GYPC: variants seen among roughly 807,000 people sequenced by gnomAD.
GYPC encodes the protein glycophorin C (Gerbich blood group).
In GYPC, 14 loss-of-function variants were observed where a neutral mutation model predicts 12.6. The observed-to-expected ratio is 1.11, with a 90% confidence interval of 0.74 to 1.74. The LOEUF (loss-of-function observed/expected upper bound fraction) is 1.74, where lower values mean the gene tolerates loss of function less well. Among genes scored for constraint, GYPC ranks in the 40% most tolerant of loss-of-function variants. The probability of loss-of-function intolerance (pLI) is 0.00; values close to 1 mark genes in which losing one functional copy is unlikely to be tolerated. For synonymous variants in GYPC, 78 were observed against 62.1 expected, an observed-to-expected ratio of 1.26 and a Z score of -1.20; for missense variants, 225 against 172.1, an observed-to-expected ratio of 1.31 and a Z score of -1.72.
chr2:126,675,755 T>C (rs1682979154), intron 1 of GYPC: 1 of 830,676 alleles, frequency 1.2e-6, no homozygotes, highest in African/African-American at 1.8e-5. Flanking sequence ...AGCAGGTGAG[T>C]AATAAAATTT....
intron 1 of GYPC, among the ~76,000 whole-genome samples, chr2:126,670,264 G>T (rs1408179050): frequency 6.6e-6 from 1 of 152,236 alleles, no homozygotes; most frequent in Non-Finnish European, 1.5e-5. Context: ...GGACTCACTT[G>T]CTGGGGCCCT....
intron 1 of GYPC, among the ~76,000 whole-genome samples, chr2:126,668,374 G>T (rs1315003633): frequency 6.6e-6 from 1 of 152,098 alleles, no homozygotes; most frequent in Non-Finnish European, 1.5e-5. Context: ...TCTCCTGCCT[G>T]GTGCCTTCCA....
intron 1 of GYPC, among the ~76,000 whole-genome samples, chr2:126,671,068 A>C (rs1384601918): frequency 6.6e-6 from 1 of 152,134 alleles, no homozygotes; most frequent in Non-Finnish European, 1.5e-5. Flanking sequence ...ATGGGAAGCC[A>C]TGGAAGAAAA....
chr2:126,656,195 C>T lies in GYPC; in HGVS notation c.-69C>T. On this transcript the variant is annotated 5_prime_UTR_variant, in exon 1 of 4. Transcript: ENST00000259254. ...GAGGGTCAGGAGCCCGGGAGCGCGA[C>T]CCTCCCCCGGCCCGGCCTGGCCCGG... is the stretch of plus-strand genomic sequence containing the variant. 6.5e-7 allele frequency: 1 copy of T among 1,541,290 alleles called. No homozygotes were observed. The highest frequency in any genetic ancestry group is 8.7e-7 in the Non-Finnish European group (1 of 1,143,314).
At chr2:126,670,453 T>C (rs887440887) in intron 1 of GYPC, among the ~76,000 whole-genome samples, 1 of 152,244 alleles carries the variant, frequency 6.6e-6, no homozygotes, top group Non-Finnish European at 1.5e-5. Flanking sequence ...CTTGGGGTAC[T>C]GGTTTCACCC....
intron 1 of GYPC, among the ~76,000 whole-genome samples, chr2:126,672,308 G>T (rs2104782373): frequency 6.6e-6 from 1 of 152,250 alleles, no homozygotes; most frequent in South Asian, 2.1e-4. Flanking sequence ...CCTGTGACAT[G>T]CGGTGGGAGC....
intron 1 of GYPC, among the ~76,000 whole-genome samples, chr2:126,663,701 T>C (rs1475664391): frequency 6.6e-6 from 1 of 152,182 alleles, no homozygotes; most frequent in Non-Finnish European, 1.5e-5. Flanking sequence ...CAGCATTCAC[T>C]GCACCCTCTC....
chr2:126,660,955 T>G (rs1198091794), intron 1 of GYPC, among the ~76,000 whole-genome samples: 2 of 152,108 alleles, frequency 1.3e-5, no homozygotes, highest in African/African-American at 4.8e-5. Flanking sequence ...TGGCCTGGGG[T>G]TTTCTTCAGA....
chr2:126,659,449 G>C (rs1030967684), intron 1 of GYPC, among the ~76,000 whole-genome samples: 2 of 152,218 alleles, frequency 1.3e-5, no homozygotes, highest in Non-Finnish European at 2.9e-5. Context: ...TTGGGAGAGA[G>C]AGGAAATACC....
Position 126,692,547 on chromosome 2 carries a change from G to T in GYPC, c.107-1317G>T, listed in dbSNP as rs375543437. ...TAGAGCCATTGTAATGGGAACGTGG[G>T]ATTTCCTATGTTAACACTGATATTT... is the stretch of plus-strand genomic sequence containing the variant. On this transcript the variant is annotated intron_variant, in intron 2 of 3. Coordinates refer to ENST00000259254, the MANE Select transcript of GYPC (RefSeq NM_002101.5). Among the ~76,000 whole-genome samples the T allele has an allele frequency of 2.0e-4, 31 of 152,214 alleles. No individual in the cohort carries two copies. The East Asian group carries it at 5.8e-3, about 28-fold the overall frequency.
chr2:126,691,852 C>T (rs1321591907), intron 2 of GYPC, among the ~76,000 whole-genome samples: 1 of 152,156 alleles, frequency 6.6e-6, no homozygotes, highest in African/African-American at 2.4e-5. Flanking sequence ...GCTGTCTTCA[C>T]CTGGAAAATT....
In GYPC at chr2:126,694,032, T is replaced by C; in HGVS notation, c.190+85T>C. On this transcript the variant is annotated intron_variant, in intron 3 of 3. Transcript: ENST00000259254. ...CCAGGGGAGAACTGACCTAAGGACT[T>C]GGGCAGTGGTGGCTGTGGCCATTTT... 3 of 926,672 alleles carry C rather than the reference T, an allele frequency of 3.2e-6. No individual in the cohort carries two copies. The South Asian group carries it at 3.9e-5, about 12-fold the overall frequency. The allele number at this position is 926,672 out of a possible 1,614,324, so 57.4% of individuals were successfully genotyped here.
chr2:126,667,830 C>A (rs1473782297), intron 1 of GYPC, among the ~76,000 whole-genome samples: 1 of 152,208 alleles, frequency 6.6e-6, no homozygotes, highest in East Asian at 1.9e-4. Context: ...TTCAGATCAT[C>A]CCAGTCCAAT....
At chr2:126,673,701 G>A (rs1682915471) in intron 1 of GYPC, among the ~76,000 whole-genome samples, 1 of 152,182 alleles carries the variant, frequency 6.6e-6, no homozygotes, top group African/African-American at 2.4e-5. Flanking sequence ...AGTTCAACCA[G>A]GTGCTTTAGG....
chr2:126,671,455 G>A (rs1053337478), intron 1 of GYPC, among the ~76,000 whole-genome samples: 3 of 152,234 alleles, frequency 2.0e-5, no homozygotes, highest in South Asian at 2.1e-4. Context: ...CTCCACGCAC[G>A]GGGCCAGGTG....
intron 1 of GYPC, among the ~76,000 whole-genome samples, chr2:126,683,013 C>A (rs1255951826): frequency 6.6e-6 from 1 of 152,198 alleles, no homozygotes; most frequent in East Asian, 1.9e-4. Context: ...CAGTCTATGC[C>A]ATGAGTAAAG....
intron 1 of GYPC, among the ~76,000 whole-genome samples, chr2:126,684,588 A>G (rs931494740): frequency 6.6e-6 from 1 of 152,194 alleles, no homozygotes; most frequent in African/African-American, 2.4e-5. Context: ...TATGGGTTCC[A>G]ACAGAGAGCA....
chr2:126,657,902 C>A (rs983689204), intron 1 of GYPC: 4 of 152,912 alleles, frequency 2.6e-5, no homozygotes, highest in Admixed American at 2.6e-4. Context: ...GGGTGGGGGG[C>A]GGCTATTTCT....
Position 126,690,311 on chromosome 2 carries a change from G to T in GYPC, c.106G>T (p.Glu36Ter), listed in dbSNP as rs1211546697. 6.2e-7 allele frequency: 1 copy of T among 1,607,314 alleles called. No homozygotes were observed. The highest frequency in any genetic ancestry group is 1.1e-5 in the South Asian group (1 of 90,950). ...CACAATGCATACTACCACCATTGCA[G>T]GTGAGTTCTCATCACAGAGCCTCAC... ...STTMHTTTIA[E>*]PDPGMSGWPD... Residue 36 changes from glutamate to a stop codon, truncating the protein, a stop_gained and splice_region_variant, in exon 2 of 4, where the codon GAG becomes TAG. Transcript: ENST00000259254. LOFTEE classifies it high-confidence loss of function.
Sources: allele counts gnomAD v4.1 joint callset (sites outside exome capture counted in the v4.1 genomes callset), GRCh38; gene constraint gnomAD v4.1.1; transcripts MANE v1.5; gene names NCBI Gene and HGNC (gene_info 2026-07-23, HGNC 2026-07-21).